Variants in THSD7B observed in about 807,000 individuals in gnomAD.
THSD7B encodes thrombospondin type 1 domain containing 7B, also known as thrombospondin type-1 domain-containing protein 7B.
Under a neutral mutation model 213.6 loss-of-function variants are expected in THSD7B, and 138 were observed. That is an observed-to-expected ratio of 0.65 (90% confidence interval 0.56 to 0.74). The LOEUF is 0.74. Ranked by LOEUF, THSD7B falls within the 30% of genes least tolerant of loss-of-function variation. The pLI, the probability that THSD7B is intolerant of heterozygous loss-of-function variation, is 0.00. For synonymous variants in THSD7B, 742 were observed against 687.0 expected (o/e 1.08, Z -1.25); for missense variants, 1,931 against 1,991.5 (o/e 0.97, Z 0.58).
intron 14 of THSD7B, among the ~76,000 whole-genome samples, chr2:137,446,089 G>C (rs1687531202): frequency 6.6e-6 from 1 of 151,734 alleles, no homozygotes; most frequent in South Asian, 2.1e-4. Context: ...TCAGTAGATA[G>C]AACATAAGCT....
At chr2:137,360,001 CA>C (rs1057104671) in intron 12 of THSD7B, among the ~76,000 whole-genome samples, 3 of 152,132 alleles carry the variant, frequency 2.0e-5, no homozygotes, top group African/African-American at 7.2e-5. Flanking sequence ...CAGCCTAAAA[CA>C]AATCTAGCAG....
chr2:137,481,960 G>A (rs371739967), intron 15 of THSD7B, among the ~76,000 whole-genome samples: 6 of 152,082 alleles, frequency 3.9e-5, no homozygotes, highest in Admixed American at 6.5e-5. Context: ...GGCGGATCAC[G>A]AGGTCAGGAG....
chr2:137,005,959 A>G (rs1686099065), intron 2 of THSD7B, among the ~76,000 whole-genome samples: 1 of 152,192 alleles, frequency 6.6e-6, no homozygotes, highest in South Asian at 2.1e-4. Flanking sequence ...TGTTTATTAT[A>G]TCTTTTCAAA....
At chr2:137,352,257 G>C (rs763876771) in intron 12 of THSD7B, among the ~76,000 whole-genome samples, 1 of 151,744 alleles carries the variant, frequency 6.6e-6, no homozygotes, top group Non-Finnish European at 1.5e-5. Flanking sequence ...AAGAAAAATC[G>C]AGATCCTATT....
At chr2:136,857,420 A>G (rs1683193410) in intron 1 of THSD7B, among the ~76,000 whole-genome samples, 1 of 152,194 alleles carries the variant, frequency 6.6e-6, no homozygotes, top group Non-Finnish European at 1.5e-5. Context: ...AGTGGCAGCA[A>G]CTTGTGCTTT....
chr2:137,431,793 G>C (rs1053708187), intron 14 of THSD7B, among the ~76,000 whole-genome samples: 5 of 152,118 alleles, frequency 3.3e-5, no homozygotes, highest in African/African-American at 1.2e-4. Flanking sequence ...TTTTATTGAA[G>C]TCAGGAGAAA....
chr2:137,395,505 G>A (rs1217462618), intron 12 of THSD7B, among the ~76,000 whole-genome samples: 1 of 151,296 alleles, frequency 6.6e-6, no homozygotes, highest in Non-Finnish European at 1.5e-5. Flanking sequence ...GCATCCCAGG[G>A]ATGAAGCCCA....
At chr2:137,165,177 C>T (rs1680100830) in intron 6 of THSD7B, among the ~76,000 whole-genome samples, 1 of 152,128 alleles carries the variant, frequency 6.6e-6, no homozygotes, top group Non-Finnish European at 1.5e-5. Context: ...TTTAATAGAA[C>T]CCATTCTGTG....
chr2:137,185,323 G>C (rs1331037021), intron 7 of THSD7B, among the ~76,000 whole-genome samples: 1 of 151,840 alleles, frequency 6.6e-6, no homozygotes, highest in Non-Finnish European at 1.5e-5. Context: ...GTGTGATGCT[G>C]ATGTTTGGGG....
chr2:137,142,657 A>G (rs1245221429), intron 5 of THSD7B, among the ~76,000 whole-genome samples: 1 of 152,080 alleles, frequency 6.6e-6, no homozygotes, highest in Non-Finnish European at 1.5e-5. Flanking sequence ...TATAACTTTT[A>G]TGTCTTTTTT....
At chr2:136,904,757 C>A (rs1488061373) in intron 2 of THSD7B, among the ~76,000 whole-genome samples, 1 of 151,810 alleles carries the variant, frequency 6.6e-6, no homozygotes, top group African/African-American at 2.4e-5. Context: ...GGAGATAATT[C>A]TGAAGGAAAT....
At chr2:137,559,253 C>T (rs1317613730) in intron 15 of THSD7B, among the ~76,000 whole-genome samples, 1 of 152,172 alleles carries the variant, frequency 6.6e-6, no homozygotes, top group Non-Finnish European at 1.5e-5. Context: ...GCCCGCATTG[C>T]CAAGTCAATC....
At chr2:137,086,384 C>T (rs766546117) in intron 3 of THSD7B, among the ~76,000 whole-genome samples, 1 of 152,036 alleles carries the variant, frequency 6.6e-6, no homozygotes, top group African/African-American at 2.4e-5. Context: ...AATCTTGTAG[C>T]TATAGGGGCA....
At chr2:137,151,021 A>AGTGAGTGAGTC (rs1242899836) in intron 5 of THSD7B, among the ~76,000 whole-genome samples, 3 of 152,208 alleles carry the variant, frequency 2.0e-5, no homozygotes, top group Non-Finnish European at 2.9e-5. Context: ...TGGGTGAATC[A>AGTGAGTGAGTC]GTGAGTGAGT....
intron 2 of THSD7B, among the ~76,000 whole-genome samples, chr2:137,022,781 G>A (rs1686470059): frequency 6.6e-6 from 1 of 152,046 alleles, no homozygotes; most frequent in Admixed American, 6.6e-5. Flanking sequence ...TAGTGCATGG[G>A]TCAGCAAACA....
rs181174881 is a variant in THSD7B at position 136,960,816 on chromosome 2, G to A, written c.139+78499G>A. Among the ~76,000 whole-genome samples, 63 of 151,246 alleles carry A rather than the reference G, an allele frequency of 4.2e-4. No individual in the cohort carries two copies. The South Asian group carries it at 4.2e-3, about 10-fold the overall frequency. ...TTGAAAATGTGAGACTGGGCCGGGC[G>A]CAGTGGCTCAGGCCTGTAATCCCAG... On this transcript the variant is annotated intron_variant, in intron 2 of 27. Coordinates refer to ENST00000409968, the MANE Select transcript of THSD7B (RefSeq NM_001316349.2).
At chr2:137,449,120 G>A (rs1687599259) in intron 14 of THSD7B, among the ~76,000 whole-genome samples, 1 of 151,564 alleles carries the variant, frequency 6.6e-6, no homozygotes. Context: ...GTAATTGACA[G>A]ATACCAAAAC....
In THSD7B at chr2:137,212,566, T is replaced by C. The variant is rs370318210; in HGVS notation, c.1724-18478T>C. Reference sequence around the variant, plus strand: ...AAAACATTGTCTGAATTGGGACTAATTGGCTTTCAAAATGGAATGTATTGA... The same window carrying C: ...AAAACATTGTCTGAATTGGGACTAACTGGCTTTCAAAATGGAATGTATTGA... On this transcript the variant is annotated intron_variant, in intron 7 of 27. Coordinates refer to ENST00000409968, the MANE Select transcript of THSD7B (RefSeq NM_001316349.2). Among the ~76,000 whole-genome samples, 39 of 152,078 alleles carry C rather than the reference T, an allele frequency of 2.6e-4. 1 individual carries two copies. In the South Asian group the frequency reaches 3.1e-3, roughly 12 times the overall value.
chr2:136,813,462 C>G (rs1238835311), intron 1 of THSD7B, among the ~76,000 whole-genome samples: 1 of 152,170 alleles, frequency 6.6e-6, no homozygotes, highest in Non-Finnish European at 1.5e-5. Context: ...ATGACTTAAA[C>G]GTATACACAC....
Sources: gnomAD v4.1 joint callset for allele counts (sites outside exome capture counted in the v4.1 genomes callset) on GRCh38, gnomAD v4.1.1 for gene constraint, MANE v1.5 for transcripts, NCBI Gene and HGNC (gene_info 2026-07-23, HGNC 2026-07-21) for gene names.